DLGAP2: variants seen among roughly 807,000 people sequenced by gnomAD.
DLGAP2 encodes disks large-associated protein 2.
A neutral mutation model predicts 100.3 loss-of-function variants in DLGAP2; 26 were observed. That is an observed-to-expected ratio of 0.26 (90% confidence interval 0.19 to 0.36). The LOEUF (loss-of-function observed/expected upper bound fraction) is 0.36, where lower values mean the gene tolerates loss of function less well. Ranked by LOEUF, DLGAP2 falls within the 10% of genes least tolerant of loss-of-function variation. The pLI, the probability that DLGAP2 is intolerant of heterozygous loss-of-function variation, is 1.00. For missense variants in DLGAP2, 1,858 were observed against 1,453.2 expected (o/e 1.28, Z -4.53); for synonymous variants, 886 against 630.1 (o/e 1.41, Z -6.08).
intron 13 of DLGAP2, among the ~76,000 whole-genome samples, chr8:1,694,698 G>A (rs558539977): frequency 1.3e-5 from 2 of 152,282 alleles, no homozygotes; most frequent in Admixed American, 1.3e-4. Flanking sequence ...CGCACAGAGA[G>A]CTGCCCCAGG....
intron 6 of DLGAP2, among the ~76,000 whole-genome samples, chr8:1,591,986 T>C (rs114185718): frequency 0.011 from 1,634 of 152,272 alleles, 38 homozygotes; most frequent in African/African-American, 0.038. Context: ...CGAGCACATT[T>C]TCCAGGATCT....
intron 8 of DLGAP2, among the ~76,000 whole-genome samples, chr8:1,634,492 T>G (rs934535518): frequency 6.6e-6 from 1 of 152,190 alleles, no homozygotes; most frequent in African/African-American, 2.4e-5. Context: ...TGTTTTCCTC[T>G]GGTTTGGCCG....
chr8:857,766 G>T (rs1304219937), intron 1 of DLGAP2, among the ~76,000 whole-genome samples: 2 of 152,182 alleles, frequency 1.3e-5, no homozygotes, highest in African/African-American at 4.8e-5. Context: ...AGACCGCTAG[G>T]TGGTTCCTTA....
rs139908968 is a variant in DLGAP2 at position 1,350,060 on chromosome 8, C to A, written c.106+91177C>A. 5.2e-3 allele frequency among the ~76,000 whole-genome samples: 790 copies of A among 152,224 alleles called. 5 individuals are homozygous for A. The highest frequency in any genetic ancestry group is 0.017 in the Middle Eastern group (5 of 294). On this transcript the variant is annotated intron_variant, in intron 3 of 14. Coordinates refer to ENST00000637795, the MANE Select transcript of DLGAP2 (RefSeq NM_001346810.2). ...GATGACTTTAATATAGAAACCGTTT[C>A]GATATTAAACCATTTATAAGGTGCC...
chr8:935,170 A>G (rs1440729860), intron 2 of DLGAP2, among the ~76,000 whole-genome samples: 1 of 152,172 alleles, frequency 6.6e-6, no homozygotes, highest in Admixed American at 6.5e-5. Flanking sequence ...AGTGTTGGAA[A>G]CAGCTTCTCT....
intron 2 of DLGAP2, among the ~76,000 whole-genome samples, chr8:967,442 T>C (rs2129011479): frequency 6.6e-6 from 1 of 152,286 alleles, no homozygotes; most frequent in East Asian, 1.9e-4. Flanking sequence ...AAGTAGCTGT[T>C]GCTGAGGCTT....
At chr8:1,410,832 A>ATTTT in intron 3 of DLGAP2, among the ~76,000 whole-genome samples, 1 of 135,236 alleles carries the variant, frequency 7.4e-6, no homozygotes, top group East Asian at 2.1e-4. Flanking sequence ...CTCTGGAGCC[A>ATTTT]TTTTTTTTTT....
rs565671633 is a variant in DLGAP2 at position 881,165 on chromosome 8, T to C, written c.19-26747T>C. ...AGTAGAATCTTTCTTCTTAAAACAA[T>C]TCAGGAAAGTTAAGCGACCTAGGAT... is the stretch of plus-strand genomic sequence containing the variant. On this transcript the variant is annotated intron_variant, in intron 1 of 14. Transcript: ENST00000637795. Among the ~76,000 whole-genome samples, 68 of 152,322 alleles carry C rather than the reference T, an allele frequency of 4.5e-4. No individual in the cohort carries two copies. The South Asian group carries it at 5.0e-3, about 11-fold the overall frequency.
chr8:1,426,669 T>C (rs549608986), intron 3 of DLGAP2, among the ~76,000 whole-genome samples: 8 of 152,258 alleles, frequency 5.3e-5, no homozygotes, highest in South Asian at 4.2e-4. Context: ...CCCAGAAAGA[T>C]AGGAATCTAC....
At chr8:1,470,780 C>T (rs79601484) in intron 3 of DLGAP2, among the ~76,000 whole-genome samples, 1,149 of 89,296 alleles carry the variant, frequency 0.013, 27 homozygotes, top group East Asian at 0.057. Context: ...TCCCGACTCC[C>T]CCAGCCTTTC....
At chr8:927,126 C>A (rs1584895474) in intron 2 of DLGAP2, 1 of 985,362 alleles carries the variant, frequency 1.0e-6, no homozygotes, top group Non-Finnish European at 1.2e-6. Flanking sequence ...GCAAACTAAT[C>A]GATTGTAATT....
intron 2 of DLGAP2, among the ~76,000 whole-genome samples, chr8:1,186,710 C>G (rs1021972285): frequency 6.6e-6 from 1 of 152,130 alleles, no homozygotes; most frequent in Non-Finnish European, 1.5e-5. Flanking sequence ...AGCTGATATT[C>G]TGTTGTGAAT....
At chr8:947,759 C>A (rs1486084635) in intron 2 of DLGAP2, among the ~76,000 whole-genome samples, 2 of 152,212 alleles carry the variant, frequency 1.3e-5, no homozygotes, top group Non-Finnish European at 2.9e-5. Context: ...GGATCCGGCT[C>A]CCCGGTCCCT....
At chr8:1,252,194 G>A (rs549357096) in intron 2 of DLGAP2, among the ~76,000 whole-genome samples, 1 of 151,734 alleles carries the variant, frequency 6.6e-6, no homozygotes, top group African/African-American at 2.4e-5. Flanking sequence ...TCACAGTCGT[G>A]TCATGTCACA....
chr8:750,068 A>C (rs537903798), intron 1 of DLGAP2, among the ~76,000 whole-genome samples: 2 of 152,350 alleles, frequency 1.3e-5, no homozygotes, highest in South Asian at 2.1e-4. Flanking sequence ...AAAGAGCCTT[A>C]GTTCATCACC....
Position 1,697,218 on chromosome 8 carries a change from T to C in DLGAP2, c.2868T>C (p.Ile956=), listed in dbSNP as rs927931192. 2 of 1,611,834 alleles carry C rather than the reference T, an allele frequency of 1.2e-6. No individual in the cohort carries two copies. The highest frequency in any genetic ancestry group is 1.7e-6 in the Non-Finnish European group (2 of 1,178,914). The change falls in exon 14 of 15, where the codon ATT becomes ATC. Residue 956 remains isoleucine, a synonymous_variant. Transcript: ENST00000637795. ...AGYWDMLQLS[I]EDVSMKFDEL... The stretch of plus-strand genomic sequence containing the variant: ...ACTGGGACATGCTGCAGCTCTCCAT[T>C]GAGGACGTCAGCATGAAGTTCGACG...
intron 2 of DLGAP2, among the ~76,000 whole-genome samples, chr8:1,117,743 C>A (rs1182903762): frequency 6.6e-6 from 1 of 152,170 alleles, no homozygotes; most frequent in East Asian, 1.9e-4. Context: ...CTTTGTAAGA[C>A]ACCCCCAGGG....
intron 3 of DLGAP2, among the ~76,000 whole-genome samples, chr8:1,459,200 G>T (rs35783432): frequency 3.2e-4 from 46 of 145,454 alleles, no homozygotes; most frequent in Non-Finnish European, 5.6e-4. Context: ...TACATGCGTA[G>T]ACCCCAGGGG....
intron 3 of DLGAP2, among the ~76,000 whole-genome samples, chr8:1,492,473 C>G (rs1280372872): frequency 6.6e-6 from 1 of 152,246 alleles, no homozygotes; most frequent in Admixed American, 6.5e-5. Context: ...TGCACTGACT[C>G]TCAGAGGGCT....
Sources: allele counts gnomAD v4.1 joint callset (sites outside exome capture counted in the v4.1 genomes callset), GRCh38; gene constraint gnomAD v4.1.1; transcripts MANE v1.5; gene names NCBI Gene and HGNC (gene_info 2026-07-23, HGNC 2026-07-21).